The following GNA13 variants were observed in gnomAD, a reference collection of about 807,000 sequenced individuals.
GNA13 encodes the protein guanine nucleotide-binding protein subunit alpha-13.
GNA13 carries 4 observed loss-of-function variants against 33.5 expected under a neutral mutation model. The observed-to-expected ratio is 0.12, with a 90% CI of 0.06 to 0.27. The LOEUF (loss-of-function observed/expected upper bound fraction) is 0.27. Among genes scored for constraint, GNA13 ranks in the 10% least tolerant of loss-of-function variants. The pLI is 1.00. For missense variants in GNA13, 319 were observed against 487.2 expected (o/e 0.65, Z 3.25); for synonymous variants, 176 against 183.8 (o/e 0.96, Z 0.34).
chr17:65,034,862 TG>T (rs1175524638), intron 2 of GNA13, among the ~76,000 whole-genome samples: 9 of 152,300 alleles, frequency 5.9e-5, no homozygotes, highest in African/African-American at 1.7e-4. Context: ...CTCAGCTCAC[TG>T]AAACCTCCGC....
chr17:65,027,449 G>A (rs985648771), intron 2 of GNA13, among the ~76,000 whole-genome samples: 4 of 151,788 alleles, frequency 2.6e-5, no homozygotes, highest in African/African-American at 9.7e-5. Flanking sequence ...AGCAGCCACT[G>A]GGGGCCCTTT....
chr17:65,015,971 T>A (rs994063309), intron 3 of GNA13, among the ~76,000 whole-genome samples: 2 of 152,206 alleles, frequency 1.3e-5, no homozygotes, highest in African/African-American at 4.8e-5. Flanking sequence ...TCTATATACC[T>A]GGGAGGGAGG....
At chr17:65,051,662 T>C (rs1321398630) in intron 2 of GNA13, among the ~76,000 whole-genome samples, 1 of 151,994 alleles carries the variant, frequency 6.6e-6, no homozygotes, top group African/African-American at 2.4e-5. Context: ...TGGAAAGGGG[T>C]ATATGGAAGA....
chr17:65,034,208 T>C (rs970779262), intron 2 of GNA13, among the ~76,000 whole-genome samples: 6 of 151,998 alleles, frequency 3.9e-5, no homozygotes, highest in South Asian at 4.1e-4. Context: ...TTCTAGCATA[T>C]AAGCTACAAA....
intron 2 of GNA13, 140 bp from the exon 3 acceptor site, chr17:65,018,443 C>A: frequency 1.6e-6 from 1 of 631,310 alleles, no homozygotes; most frequent in Non-Finnish European, 2.9e-6. Context: ...AGCTAACCTT[C>A]CTAAAAACAT....
In GNA13 at chr17:65,037,777, G is replaced by GAAAAAAAAACAAAAAAAAAAAAAAA. The variant is rs145051963; in HGVS notation, c.510+15724_510+15725insTTTTTTTTTTTTTTTGTTTTTTTTT. ...AGAGAGACCCAGCCTCTACAAAAATGGAAAAAAAAAAAAAAAAAAAAAAGA... is the reference window on the plus strand; with the variant it reads ...AGAGAGACCCAGCCTCTACAAAAATGAAAAAAAAACAAAAAAAAAAAAAAAGAAAAAAAAAAAAAAAAAAAAAAGA... On this transcript the variant is annotated intron_variant, in intron 2 of 3. Coordinates refer to ENST00000439174, the MANE Select transcript of GNA13 (RefSeq NM_006572.6). 2.4e-5 allele frequency among the ~76,000 whole-genome samples: 2 copies of GAAAAAAAAACAAAAAAAAAAAAAAA among 82,042 alleles called. 1 individual carries two copies. 53.8% of individuals were successfully genotyped at this position (82,042 alleles called of 152,430 possible). A position where few individuals can be genotyped will look rare whatever the true frequency, so the allele number is the denominator to read the frequency against.
chr17:65,040,661 T>C (rs1907420249), intron 2 of GNA13, among the ~76,000 whole-genome samples: 1 of 152,068 alleles, frequency 6.6e-6, no homozygotes, highest in African/African-American at 2.4e-5. Flanking sequence ...GCCCAGCTAA[T>C]TTTTGTATTT....
intron 2 of GNA13, among the ~76,000 whole-genome samples, chr17:65,045,507 C>CAAAAAA (rs369520601): frequency 9.2e-5 from 8 of 86,934 alleles, no homozygotes; most frequent in South Asian, 5.1e-4. Context: ...GACTCTGTCT[C>CAAAAAA]AAAAAAAAAA....
intron 3 of GNA13, among the ~76,000 whole-genome samples, chr17:65,017,946 T>C (rs1486562208): frequency 6.6e-6 from 1 of 151,446 alleles, no homozygotes; most frequent in Non-Finnish European, 1.5e-5. Flanking sequence ...AAGAAAATGG[T>C]AGAGACCTGG....
chr17:65,035,692 T>C (rs80235387), intron 2 of GNA13, among the ~76,000 whole-genome samples: 275 of 152,200 alleles, frequency 1.8e-3, no homozygotes, highest in African/African-American at 6.3e-3. Context: ...AAGGTTAAAA[T>C]ACTTTTTTGA....
chr17:65,030,026 A>T (rs1338120492), intron 2 of GNA13, among the ~76,000 whole-genome samples: 1 of 152,214 alleles, frequency 6.6e-6, no homozygotes, highest in African/African-American at 2.4e-5. Context: ...TGCTTTGAAG[A>T]GCACTGTAGG....
At chr17:65,046,089 A>G (rs1037572283) in intron 2 of GNA13, among the ~76,000 whole-genome samples, 1 of 152,154 alleles carries the variant, frequency 6.6e-6, no homozygotes, top group African/African-American at 2.4e-5. Context: ...TGAAATGCGG[A>G]TAACAGTATA....
In GNA13 at chr17:65,030,195, A is replaced by G. The variant is rs535841054; in HGVS notation, c.511-11892T>C. On this transcript the variant is annotated intron_variant, in intron 2 of 3. Coordinates refer to ENST00000439174, the MANE Select transcript of GNA13 (RefSeq NM_006572.6). ...TAAAGATAGAATTTGGAAGGAGCAA[A>G]GATGATGACAAATCTTCCTAACTGC... Among the ~76,000 whole-genome samples, 3 of 152,372 alleles carry G rather than the reference A, an allele frequency of 2.0e-5. No homozygotes were observed. The East Asian group carries it at 5.8e-4, about 29-fold the overall frequency.
At chr17:65,037,793 A>AAAAAAAAAAAAAAAAAAAT (rs1313729487) in intron 2 of GNA13, among the ~76,000 whole-genome samples, 1 of 150,010 alleles carries the variant, frequency 6.7e-6, no homozygotes, top group African/African-American at 2.4e-5. Flanking sequence ...AAAAAAAAAA[A>AAAAAAAAAAAAAAAAAAAT]AAAAAAAGAC....
intron 2 of GNA13, among the ~76,000 whole-genome samples, chr17:65,034,138 T>G (rs1032902196): frequency 3.3e-5 from 5 of 151,716 alleles, no homozygotes; most frequent in African/African-American, 1.2e-4. Flanking sequence ...TGTAAGACAG[T>G]CTATAATAGC....
intron 2 of GNA13, among the ~76,000 whole-genome samples, chr17:65,020,245 T>C (rs888001898): frequency 1.3e-5 from 2 of 152,228 alleles, no homozygotes; most frequent in African/African-American, 4.8e-5. Flanking sequence ...CTTCTTGTTT[T>C]CTAATATTAA....
intron 2 of GNA13, among the ~76,000 whole-genome samples, chr17:65,046,572 C>T (rs1907672334): frequency 6.6e-6 from 1 of 152,152 alleles, no homozygotes; most frequent in Admixed American, 6.5e-5. Flanking sequence ...GAAACTGGCA[C>T]CTGTTTTGGG....
At chr17:65,028,119 G>A (rs543307090) in intron 2 of GNA13, among the ~76,000 whole-genome samples, 6 of 152,164 alleles carry the variant, frequency 3.9e-5, no homozygotes, top group Admixed American at 2.0e-4. Context: ...CCAGCTACTC[G>A]GGAGGCTGAA....
At chr17:65,050,598 G>A (rs908840228) in intron 2 of GNA13, among the ~76,000 whole-genome samples, 1 of 152,078 alleles carries the variant, frequency 6.6e-6, no homozygotes, top group East Asian at 1.9e-4. Flanking sequence ...TGGGTGTGAC[G>A]GCACACACCT....
Sources: gnomAD v4.1 joint callset for allele counts (sites outside exome capture counted in the v4.1 genomes callset) on GRCh38, gnomAD v4.1.1 for gene constraint, MANE v1.5 for transcripts, NCBI Gene and HGNC (gene_info 2026-07-23, HGNC 2026-07-21) for gene names.